MAP7: variants seen among roughly 807,000 people sequenced by gnomAD.
MAP7 encodes the protein ensconsin.
In MAP7, 52 loss-of-function variants were observed where a neutral mutation model predicts 94.8. That is an observed-to-expected ratio of 0.55 (90% CI 0.44 to 0.69). The LOEUF (loss-of-function observed/expected upper bound fraction) is 0.69, where lower values mean the gene tolerates loss of function less well. MAP7 is among the 30% of genes least tolerant of loss of function. The pLI is 0.00. For missense variants in MAP7, 940 were observed against 964.6 expected, an observed-to-expected ratio of 0.97 and a Z score of 0.34; for synonymous variants, 350 against 357.0, an observed-to-expected ratio of 0.98 and a Z score of 0.22.
rs143466909 is a variant in MAP7, at chr6:136,448,771, G to A, written c.68-26972C>T. ...ACAAAATGGAATTATAGCAATGCCT[G>A]AGAGATACAAGATCCAGAATGAAAA... On this transcript the variant is annotated intron_variant, in intron 1 of 17. Coordinates refer to ENST00000354570, the MANE Select transcript of MAP7 (RefSeq NM_003980.6). Among the ~76,000 whole-genome samples the A allele has an allele frequency of 6.0e-3, 917 of 152,100 alleles. 7 individuals are homozygous for A. The highest frequency in any genetic ancestry group is 0.021 in the African/African-American group (882 of 41,488).
intron 7 of MAP7, among the ~76,000 whole-genome samples, chr6:136,376,966 T>A (rs150628952): frequency 1.3e-5 from 2 of 152,286 alleles, no homozygotes; most frequent in East Asian, 3.9e-4. Flanking sequence ...ATACACCAAT[T>A]GTCCCCAAAG....
intron 1 of MAP7, among the ~76,000 whole-genome samples, chr6:136,434,410 T>C (rs1795813782): frequency 6.6e-6 from 1 of 151,982 alleles, no homozygotes; most frequent in Admixed American, 6.6e-5. Context: ...GCTATCATCC[T>C]GGAGAACAAA....
intron 1 of MAP7, among the ~76,000 whole-genome samples, chr6:136,491,216 T>A (rs1562458022): frequency 6.6e-6 from 1 of 152,174 alleles, no homozygotes; most frequent in Non-Finnish European, 1.5e-5. Context: ...TTTGAACAGG[T>A]TTTCTTCATT....
chr6:136,511,794 A>T (rs915665133), intron 1 of MAP7, among the ~76,000 whole-genome samples: 1 of 152,226 alleles, frequency 6.6e-6, no homozygotes, highest in Admixed American at 6.5e-5. Flanking sequence ...TGATAACTGA[A>T]TTTCAACTGT....
At chr6:136,475,916 C>G (rs1490176566) in intron 1 of MAP7, 1 of 152,150 alleles carries the variant, frequency 6.6e-6, no homozygotes, top group Non-Finnish European at 1.5e-5. Flanking sequence ...TGAGCGCAGC[C>G]TGCTGCTTCT....
At chr6:136,475,512 T>C (rs534885437) in intron 1 of MAP7, among the ~76,000 whole-genome samples, 1 of 152,328 alleles carries the variant, frequency 6.6e-6, no homozygotes, top group East Asian at 1.9e-4. Context: ...CAGCTCTTAC[T>C]ATGAACTACT....
chr6:136,525,479 G>A (rs72979512), intron 1 of MAP7, among the ~76,000 whole-genome samples: 2,941 of 152,242 alleles, frequency 0.019, 52 homozygotes, highest in Non-Finnish European at 0.022. Flanking sequence ...AGGAAGGTGG[G>A]GAGATGTTCG....
intron 1 of MAP7, among the ~76,000 whole-genome samples, chr6:136,517,785 C>T (rs931698740): frequency 3.9e-5 from 6 of 152,092 alleles, no homozygotes; most frequent in Non-Finnish European, 7.4e-5. Context: ...TACTAGTGAA[C>T]GTGGTGAAAC....
At chr6:136,495,361 A>G (rs951534708) in intron 1 of MAP7, among the ~76,000 whole-genome samples, 3 of 152,136 alleles carry the variant, frequency 2.0e-5, no homozygotes, top group Non-Finnish European at 2.9e-5. Context: ...ATTTGGTCAT[A>G]GCTTACTTAA....
chr6:136,543,403 C>T (rs1829483020), intron 1 of MAP7, among the ~76,000 whole-genome samples: 1 of 152,172 alleles, frequency 6.6e-6, no homozygotes, highest in Admixed American at 6.5e-5. Flanking sequence ...AATCCCAGCA[C>T]TTTGGGATAC....
intron 1 of MAP7, among the ~76,000 whole-genome samples, chr6:136,488,585 C>T (rs987406425): frequency 2.6e-5 from 4 of 151,760 alleles, no homozygotes; most frequent in Admixed American, 6.6e-5. Flanking sequence ...GCTGGGACTA[C>T]AGGCACCCGC....
At chr6:136,366,196 T>C in intron 9 of MAP7, 131 bp downstream of exon 9, 1 of 1,050,246 alleles carries the variant, frequency 9.5e-7, no homozygotes, top group African/African-American at 1.6e-5. Context: ...TCTTTTTTCT[T>C]TCCTTTTGGG....
At chr6:136,481,815 C>G (rs899223796) in intron 1 of MAP7, among the ~76,000 whole-genome samples, 31 of 152,024 alleles carry the variant, frequency 2.0e-4, no homozygotes, top group African/African-American at 7.5e-4. Context: ...TAATGAACAC[C>G]CCATTTACTC....
intron 11 of MAP7, 60 bp from the exon 12 acceptor site, chr6:136,361,239 A>C: frequency 6.4e-7 from 1 of 1,574,660 alleles, no homozygotes; most frequent in Non-Finnish European, 8.6e-7. Context: ...CTTTGAAGAG[A>C]GGCCTCCGTC....
At chr6:136,499,688 AC>A (rs1223201052) in intron 1 of MAP7, among the ~76,000 whole-genome samples, 1 of 151,944 alleles carries the variant, frequency 6.6e-6, no homozygotes, top group Non-Finnish European at 1.5e-5. Flanking sequence ...GTTTTTACAA[AC>A]CTTTTACAGT....
intron 1 of MAP7, among the ~76,000 whole-genome samples, chr6:136,537,851 A>G (rs1438814718): frequency 6.6e-6 from 1 of 151,758 alleles, no homozygotes; most frequent in Admixed American, 6.6e-5. Context: ...GCAATGGCAC[A>G]ATCTCGGCTC....
intron 1 of MAP7, among the ~76,000 whole-genome samples, chr6:136,428,373 AGGCGTGGT>A (rs776904660): frequency 6.6e-6 from 1 of 152,018 alleles, no homozygotes; most frequent in Non-Finnish European, 1.5e-5. Context: ...AAAATTAGCC[AGGCGTGGT>A]GGTGCACGCC....
intron 1 of MAP7, among the ~76,000 whole-genome samples, chr6:136,427,290 G>T (rs1793462873): frequency 6.6e-6 from 1 of 152,250 alleles, no homozygotes; most frequent in South Asian, 2.1e-4. Context: ...AAATGGGCCT[G>T]TTGGGAAATA....
intron 15 of MAP7, 75 bp downstream of exon 15, chr6:136,359,745 T>C: frequency 1.4e-6 from 2 of 1,389,354 alleles, no homozygotes; most frequent in Non-Finnish European, 2.0e-6. Flanking sequence ...CATCAATTCC[T>C]GAATATCTTC....
Sources: gnomAD v4.1 joint callset for allele counts (sites outside exome capture counted in the v4.1 genomes callset) on GRCh38, gnomAD v4.1.1 for gene constraint, MANE v1.5 for transcripts, NCBI Gene and HGNC (gene_info 2026-07-23, HGNC 2026-07-21) for gene names.